RPL23A: variants seen among roughly 807,000 people sequenced by gnomAD.
RPL23A encodes large ribosomal subunit protein uL23.
Under a neutral mutation model 17.6 loss-of-function variants are expected in RPL23A, and 2 were observed. That is an observed-to-expected ratio of 0.11 (90% confidence interval 0.05 to 0.36). The LOEUF is 0.36. Among genes scored for constraint, RPL23A ranks in the 10% least tolerant of loss-of-function variants. The pLI, the probability that RPL23A is intolerant of heterozygous loss-of-function variation, is 1.00. For missense variants in RPL23A, 132 were observed against 194.4 expected (o/e 0.68, Z 1.91); for synonymous variants, 65 against 74.3 (o/e 0.87, Z 0.65).
At chr17:28,720,304 G>A in intron 1 of RPL23A, 1 of 1,550,500 alleles carries the variant, frequency 6.4e-7, no homozygotes, top group Middle Eastern at 1.7e-4. Context: ...GCATCCACTG[G>A]TTGGAGCTCC....
rs1424837437 is a variant in RPL23A at position 28,720,877 on chromosome 17, C to T, written c.196C>T (p.Pro66Ser). The T allele has an allele frequency of 1.2e-6, 2 of 1,613,822 alleles. No homozygotes were observed. The highest frequency in any genetic ancestry group is 1.7e-5 in the Admixed American group (1 of 60,008). Reference sequence around the variant, plus strand: ...GCCCAAATATCCTCGGAAGAGCGCTCCCAGGAGAAACAAGTCAGTACTGCC... The same window carrying T: ...GCCCAAATATCCTCGGAAGAGCGCTTCCAGGAGAAACAAGTCAGTACTGCC... ...RQPKYPRKSA[P>S]RRNKLDHYAI... The change falls in exon 2 of 5, where the codon CCC becomes TCC. Residue 66 changes from proline to serine, a missense_variant. Around this residue, in one of 2 missense-constraint regions of RPL23A, gnomAD observed 69 missense variants for 145.5 expected, o/e 0.47. Coordinates refer to ENST00000422514, the MANE Select transcript of RPL23A (RefSeq NM_000984.6).
chr17:28,721,139 G>A, intron 2 of RPL23A: 1 of 389,262 alleles, frequency 2.6e-6, no homozygotes. Flanking sequence ...GATCACTTGA[G>A]GTCAGGGGTT....
chr17:28,722,326 G>C (rs2034130256), intron 2 of RPL23A: 2 of 338,968 alleles, frequency 5.9e-6, no homozygotes, highest in African/African-American at 4.3e-5. Flanking sequence ...CTACAGGCGT[G>C]CACCACCATG....
chr17:28,720,107 C>T, intron 1 of RPL23A, 77 bp downstream of exon 1: 3 of 1,539,202 alleles, frequency 1.9e-6, no homozygotes, highest in South Asian at 1.2e-5. Context: ...GGGAACACGG[C>T]TGCTGGGCTA....
intron 4 of RPL23A, 41 bp from the exon 5 acceptor site, chr17:28,723,826 A>C (rs370767232): frequency 1.9e-6 from 3 of 1,586,024 alleles, no homozygotes; most frequent in African/African-American, 2.7e-5. Context: ...CTTAATCTTC[A>C]TATTTCAACT....
intron 3 of RPL23A, chr17:28,723,244 C>A: frequency 1.8e-6 from 1 of 543,762 alleles, no homozygotes; most frequent in Non-Finnish European, 3.3e-6. Context: ...TAGTTACAGA[C>A]CTTTGTGTGG....
chr17:28,720,910 C>A lies in RPL23A; in HGVS notation c.209+20C>A, dbSNP rs755502977. 1 of 1,603,844 alleles carries A rather than the reference C, an allele frequency of 6.2e-7. No homozygotes were observed. The highest frequency in any genetic ancestry group is 2.2e-5 in the East Asian group (1 of 44,798). On this transcript the variant is annotated intron_variant, in intron 2 of 4. Coordinates refer to ENST00000422514, the MANE Select transcript of RPL23A (RefSeq NM_000984.6). ...AAACAAGTCAGTACTGCCCCCTGTA[C>A]CCATGAAAAGATTTGGGTATTCTCC...
chr17:28,723,206 G>A, intron 3 of RPL23A: 3 of 532,410 alleles, frequency 5.6e-6, no homozygotes, highest in Non-Finnish European at 1.0e-5. Context: ...GTGTGTGTGA[G>A]CCTTGAGGCA....
At position 28,722,913 on chromosome 17, in the gene RPL23A, C is replaced by T; in HGVS notation, c.386+14C>T. ...CACCCTGATTCGGTGAGTTGGGCCTCAAGGGATGGGGAGCAGGCTGGACCA... is the reference window on the plus strand; with the variant it reads ...CACCCTGATTCGGTGAGTTGGGCCTTAAGGGATGGGGAGCAGGCTGGACCA... On this transcript the variant is annotated intron_variant, in intron 3 of 4. Coordinates refer to ENST00000422514, the MANE Select transcript of RPL23A (RefSeq NM_000984.6). 1 of 1,611,948 alleles carries T rather than the reference C, an allele frequency of 6.2e-7. No homozygotes were observed. The highest frequency in any genetic ancestry group is 1.7e-4 in the Middle Eastern group (1 of 6,052).
chr17:28,720,221 G>A, intron 1 of RPL23A, 191 bp downstream of exon 1: 3 of 1,535,626 alleles, frequency 2.0e-6, no homozygotes, highest in Non-Finnish European at 1.8e-6. Flanking sequence ...CCGGTAGAGG[G>A]AGTTGGGGGG....
At chr17:28,721,806 T>G (rs764742934) in intron 2 of RPL23A, 3 of 152,176 alleles carry the variant, frequency 2.0e-5, no homozygotes, top group Admixed American at 6.5e-5. Flanking sequence ...ATTGTGTTCA[T>G]ATAGGAAAGC....
rs200072585 is a variant in RPL23A at position 28,720,773 on chromosome 17, G to T, written c.92G>T (p.Gly31Val). The T allele has an allele frequency of 1.4e-4, 224 of 1,612,438 alleles. No individual in the cohort carries two copies. In the East Asian group the frequency reaches 4.3e-3, roughly 31 times the overall value. ...ALKAKKAVLK[G>V]VHSHKKKKIR... ...AAGGCCAAGAAGGCAGTGTTGAAAG[G>T]TGTCCACAGCCACAAAAAGAAGAAG... The change falls in exon 2 of 5, where the codon GGT becomes GTT. Residue 31 changes from glycine to valine, a missense_variant. Gly to Val is a moderately radical substitution (Grantham distance 109). This residue lies in a region of RPL23A where 63 missense variants were observed against 48.9 expected (regional missense o/e 1.29). Coordinates refer to ENST00000422514, the MANE Select transcript of RPL23A (RefSeq NM_000984.6).
At chr17:28,720,608 C>CTGA (rs770423771) in intron 1 of RPL23A, 99 bp from the exon 2 acceptor site, 11 of 1,406,686 alleles carry the variant, frequency 7.8e-6, no homozygotes, top group African/African-American at 1.4e-5. Context: ...AAAGGAACCA[C>CTGA]TGATGCACCT....
chr17:28,721,121 G>T (rs1057421190), intron 2 of RPL23A: 2 of 421,030 alleles, frequency 4.8e-6, no homozygotes, highest in South Asian at 4.5e-5. Context: ...GGAGGCCGAG[G>T]GGGGGCGGAT....
At chr17:28,722,563 T>C (rs750623203) in intron 2 of RPL23A, 160 bp from the exon 3 acceptor site, 79 of 779,444 alleles carry the variant, frequency 1.0e-4, no homozygotes, top group Middle Eastern at 4.5e-4. Flanking sequence ...GATTGGGGCT[T>C]CAGGCCCTTA....
At chr17:28,723,529 C>T in intron 3 of RPL23A, 42 bp from the exon 4 acceptor site, 1 of 1,411,038 alleles carries the variant, frequency 7.1e-7, no homozygotes, top group Non-Finnish European at 1.0e-6. Context: ...GGTGTGGGGG[C>T]AGTGAGGGTG....
At chr17:28,721,893 C>T (rs958274417) in intron 2 of RPL23A, 2 of 152,194 alleles carry the variant, frequency 1.3e-5, no homozygotes, top group Non-Finnish European at 2.9e-5. Flanking sequence ...ATGGGGAAAG[C>T]TGTGTTACAG....
intron 1 of RPL23A, chr17:28,720,242 G>A (rs2034086695): frequency 6.5e-7 from 1 of 1,540,676 alleles, no homozygotes; most frequent in Non-Finnish European, 8.8e-7. Flanking sequence ...GGGCAACGCG[G>A]CAGGCATCAT....
At chr17:28,721,020 T>TG in intron 2 of RPL23A, 130 bp downstream of exon 2, 1 of 804,020 alleles carries the variant, frequency 1.2e-6, no homozygotes, top group Non-Finnish European at 2.0e-6. Context: ...ATTGGAAGTA[T>TG]GAGGAGATTG....
Sources: allele counts gnomAD v4.1 joint callset, GRCh38; gene constraint gnomAD v4.1.1; regional missense constraint gnomAD v4.1.1; transcripts MANE v1.5; gene names NCBI Gene and HGNC (gene_info 2026-07-23, HGNC 2026-07-21).